The following TEX26 variants were observed in gnomAD, a reference collection of about 807,000 sequenced individuals.
The protein encoded by TEX26 is testis expressed 26.
Under a neutral mutation model 35.3 loss-of-function variants are expected in TEX26, and 34 were observed. The observed-to-expected ratio is 0.96, with a 90% CI of 0.73 to 1.28. The LOEUF is 1.28. TEX26 is among the 50% of genes most tolerant of loss of function. The pLI is 0.00. For missense variants in TEX26, 371 were observed against 330.1 expected, an observed-to-expected ratio of 1.12 and a Z score of -0.96; for synonymous variants, 136 against 111.8, an observed-to-expected ratio of 1.22 and a Z score of -1.36.
chr13:30,935,560 G>GATGGGGC (rs1272445459), intron 1 of TEX26, among the ~76,000 whole-genome samples: 8 of 152,226 alleles, frequency 5.3e-5, no homozygotes, highest in Non-Finnish European at 1.2e-4. Context: ...AGCTGGAGAT[G>GATGGGGC]ATGGGGCAAC....
At chr13:30,960,868 G>A (rs1954314401) in intron 4 of TEX26, among the ~76,000 whole-genome samples, 1 of 152,168 alleles carries the variant, frequency 6.6e-6, no homozygotes, top group Admixed American at 6.5e-5. Context: ...CACTTTTGTG[G>A]ACTCTTCTTT....
chr13:30,948,201 C>T (rs1593556981), intron 2 of TEX26, among the ~76,000 whole-genome samples: 2 of 152,122 alleles, frequency 1.3e-5, no homozygotes, highest in East Asian at 1.9e-4. Flanking sequence ...AATAAACATA[C>T]GTGTGCATGT....
chr13:30,972,879 C>T (rs911576899), intron 6 of TEX26, among the ~76,000 whole-genome samples: 2 of 152,346 alleles, frequency 1.3e-5, no homozygotes, highest in Admixed American at 6.5e-5. Flanking sequence ...TCAAGTGATC[C>T]ACCTGCCTTG....
chr13:30,951,381 G>T (rs1397825674), intron 2 of TEX26, among the ~76,000 whole-genome samples: 2 of 151,026 alleles, frequency 1.3e-5, no homozygotes, highest in Admixed American at 6.6e-5. Flanking sequence ...AGCTATTTGT[G>T]CTGTGTCCCG....
At chr13:30,973,488 A>G (rs1183889641) in intron 6 of TEX26, 5 of 152,234 alleles carry the variant, frequency 3.3e-5, no homozygotes, top group Non-Finnish European at 5.9e-5. Flanking sequence ...CAAACTGTAC[A>G]CAAAAGATTA....
intron 3 of TEX26, 136 bp from the exon 4 acceptor site, chr13:30,956,737 T>C: frequency 1.4e-6 from 1 of 736,690 alleles, no homozygotes; most frequent in Non-Finnish European, 2.2e-6. Flanking sequence ...GTTGACGGGC[T>C]CCCAGCATCC....
At chr13:30,952,943 G>T in intron 3 of TEX26, 118 bp downstream of exon 3, 1 of 876,878 alleles carries the variant, frequency 1.1e-6, no homozygotes. Flanking sequence ...CAGGATACAT[G>T]GTTCTTTTTA....
At position 30,956,974 on chromosome 13, in the gene TEX26, A is replaced by G; in HGVS notation, c.414A>G (p.Ala138=). The change falls in exon 4 of 7, where the codon GCA becomes GCG. Residue 138 remains alanine (A), a synonymous_variant. Coordinates refer to ENST00000380473, the MANE Select transcript of TEX26 (RefSeq NM_152325.3). ...CTTCAATGAAAGAAGTTAACAAGGC[A>G]CTATCAAATCAGTTTATTTCCCTTA... ...IPASMKEVNK[A]LSNQFISLTK... 1.9e-6 allele frequency: 3 copies of G among 1,614,210 alleles called. 1 individual carries two copies. Among genetic ancestry groups the G allele is most frequent in the South Asian group, 2.2e-5 (2 of 91,080 alleles).
At chr13:30,956,624 G>A (rs1954141321) in intron 3 of TEX26, among the ~76,000 whole-genome samples, 1 of 152,188 alleles carries the variant, frequency 6.6e-6, no homozygotes, top group Admixed American at 6.5e-5. Context: ...CTGGTTGGAA[G>A]CACAACTCTT....
At chr13:30,963,588 A>G (rs1028444599) in intron 4 of TEX26, among the ~76,000 whole-genome samples, 1 of 152,208 alleles carries the variant, frequency 6.6e-6, no homozygotes, top group Non-Finnish European at 1.5e-5. Flanking sequence ...TGTACTTCAG[A>G]TATTAATTGC....
chr13:30,962,332 CCA>C (rs1954375588), intron 4 of TEX26, among the ~76,000 whole-genome samples: 1 of 152,208 alleles, frequency 6.6e-6, no homozygotes, highest in East Asian at 1.9e-4. Context: ...TTGTCAGCCC[CCA>C]CCCTCATGAC....
intron 2 of TEX26, among the ~76,000 whole-genome samples, chr13:30,946,157 C>A (rs1462631460): frequency 6.6e-6 from 1 of 151,700 alleles, no homozygotes; most frequent in Non-Finnish European, 1.5e-5. Context: ...TCTTTTTATT[C>A]TTTTTTCTTT....
chr13:30,952,807 C>T lies in TEX26; in HGVS notation c.294C>T (p.His98=), dbSNP rs1445403519. The T allele has an allele frequency of 6.2e-7, 1 of 1,612,846 alleles. No homozygotes were observed. Among genetic ancestry groups the T allele is most frequent in the Admixed American group, 1.7e-5 (1 of 59,956 alleles). Residue 98 remains histidine, a synonymous_variant, in exon 3 of 7, where the codon CAC becomes CAT. Transcript: ENST00000380473. ...AGACTTCAAGAGGAATCAAGAGCCACAAATCTCATCTCAATGAAGTAAGAT... is the reference window on the plus strand; with the variant it reads ...AGACTTCAAGAGGAATCAAGAGCCATAAATCTCATCTCAATGAAGTAAGAT... ...KTETSRGIKS[H]KSHLNEDIFL...
At chr13:30,950,461 C>T (rs546330016) in intron 2 of TEX26, among the ~76,000 whole-genome samples, 52 of 152,180 alleles carry the variant, frequency 3.4e-4, no homozygotes, top group African/African-American at 1.2e-3. Context: ...CTCAGAGCTG[C>T]TTTTCTTTCC....
At chr13:30,944,232 AGTTT>A (rs1480492049) in intron 2 of TEX26, among the ~76,000 whole-genome samples, 1 of 151,862 alleles carries the variant, frequency 6.6e-6, no homozygotes, top group African/African-American at 2.4e-5. Flanking sequence ...TAGATTTTCT[AGTTT>A]GAGTGCATTG....
intron 4 of TEX26, among the ~76,000 whole-genome samples, chr13:30,965,262 C>A (rs776994266): frequency 1.3e-5 from 2 of 152,186 alleles, no homozygotes; most frequent in Admixed American, 1.3e-4. Flanking sequence ...AAAATGCTCT[C>A]AGGTGCCAGT....
At chr13:30,970,846 G>C (rs750697333) in intron 6 of TEX26, among the ~76,000 whole-genome samples, 1 of 152,170 alleles carries the variant, frequency 6.6e-6, no homozygotes, top group Admixed American at 6.5e-5. Flanking sequence ...CAAGATACTG[G>C]GGTAAGCTGA....
rs944279885 is a variant in TEX26, at chr13:30,957,048, C to T, written c.469+19C>T. ...TCAAAAGGTAAACACTTTTGTTTTT[C>T]TTTTTTTCCTGGGTCATGTGGTAGG... On this transcript the variant is annotated intron_variant, in intron 4 of 6. Coordinates refer to ENST00000380473, the MANE Select transcript of TEX26 (RefSeq NM_152325.3). 7 of 1,608,448 alleles carry T rather than the reference C, an allele frequency of 4.4e-6. No homozygotes were observed. Among genetic ancestry groups the T allele is most frequent in the Non-Finnish European group, 6.0e-6 (7 of 1,176,120 alleles).
At chr13:30,968,825 C>A in intron 5 of TEX26, 60 bp from the exon 6 acceptor site, 6 of 1,532,774 alleles carry the variant, frequency 3.9e-6, no homozygotes, top group Non-Finnish European at 4.4e-6. Context: ...ACAATAAGGG[C>A]AAGACTGGTG....
Sources: allele counts gnomAD v4.1 joint callset (sites outside exome capture counted in the v4.1 genomes callset), GRCh38; gene constraint gnomAD v4.1.1; transcripts MANE v1.5; gene names NCBI Gene and HGNC (gene_info 2026-07-23, HGNC 2026-07-21).